MGST1: variants seen among roughly 807,000 people sequenced by gnomAD.
MGST1 encodes the protein glutathione S-transferase 12.
In MGST1, 5 loss-of-function variants were observed where a neutral mutation model predicts 8.9. The ratio of observed to expected loss-of-function variants is 0.56; its 90% confidence interval spans 0.29 to 1.19. The LOEUF (loss-of-function observed/expected upper bound fraction) is 1.19, where lower values mean the gene tolerates loss of function less well. MGST1 is among the 50% of genes most tolerant of loss of function. The probability of loss-of-function intolerance (pLI) is 0.08; values close to 1 mark genes in which losing one functional copy is unlikely to be tolerated. For missense variants in MGST1, 182 were observed against 187.4 expected (o/e 0.97, Z 0.17); for synonymous variants, 54 against 67.8 (o/e 0.80, Z 1.00).
At chr12:16,438,714 A>G (rs922305422) in exon 2 of MGST1, 2 of 151,746 alleles carry the variant, frequency 1.3e-5, no homozygotes, top group African/African-American at 4.8e-5. Flanking sequence ...TCTTTTGTGC[A>G]TCACACATAT....
intron 1 of MGST1, among the ~76,000 whole-genome samples, chr12:16,425,816 C>A (rs1299232102): frequency 6.6e-6 from 1 of 152,208 alleles, no homozygotes; most frequent in Non-Finnish European, 1.5e-5. Context: ...TTCCCCAAGC[C>A]CTTTCTCAAT....
intron 1 of MGST1, among the ~76,000 whole-genome samples, chr12:16,431,715 A>C (rs1255650927): frequency 6.6e-6 from 1 of 152,158 alleles, no homozygotes; most frequent in Non-Finnish European, 1.5e-5. Flanking sequence ...TATTGTGAGA[A>C]TTATAAAAGT....
At chr12:16,574,162 AAGTT>A (rs1942919363) in intron 4 of MGST1, among the ~76,000 whole-genome samples, 1 of 152,160 alleles carries the variant, frequency 6.6e-6, no homozygotes, top group South Asian at 2.1e-4. Flanking sequence ...GACCCAGAGT[AAGTT>A]AGAGGAAGAC....
chr12:16,373,535 G>A (rs570705114), intron 3 of MGST1, among the ~76,000 whole-genome samples: 82 of 151,618 alleles, frequency 5.4e-4, no homozygotes, highest in African/African-American at 2.0e-3. Context: ...TTATGTATCC[G>A]TATCCATAAG....
At chr12:16,364,497 CTG>C (rs1940147688), downstream of MGST1, 7 of 606,264 alleles carry the variant, frequency 1.2e-5, no homozygotes, top group Non-Finnish European at 1.4e-5. This position sits in a 1 kb window ranked among gnomAD's most constrained non-coding sequence, Gnocchi z 5.7. Flanking sequence ...AAGAACCACT[CTG>C]TACCCTGCTT....
chr12:16,384,721 C>T (rs1940489415), intron 1 of MGST1, among the ~76,000 whole-genome samples: 1 of 152,242 alleles, frequency 6.6e-6, no homozygotes. Flanking sequence ...CACAGGGCAC[C>T]TAAGTGCAAT....
At chr12:16,432,666 CCT>C (rs200860845) in intron 1 of MGST1, among the ~76,000 whole-genome samples, 193 of 145,082 alleles carry the variant, frequency 1.3e-3, no homozygotes, top group African/African-American at 4.1e-3. Context: ...GCAAATCTCT[CCT>C]CTCTCTCTCT....
chr12:16,536,098 TG>T (rs1941755688), intron 4 of MGST1, among the ~76,000 whole-genome samples: 3 of 151,578 alleles, frequency 2.0e-5, no homozygotes, highest in Non-Finnish European at 4.4e-5. Context: ...TGTGTGTGTG[TG>T]TGTGTGTGTG....
chr12:16,430,113 G>C (rs1297405771), intron 1 of MGST1, among the ~76,000 whole-genome samples: 1 of 152,070 alleles, frequency 6.6e-6, no homozygotes, highest in Admixed American at 6.6e-5. Flanking sequence ...CACTTTCTTT[G>C]CTCATCTGTA....
In MGST1 at chr12:16,560,552, C is replaced by G; in HGVS notation, n.483-28976C>G. On this transcript the variant is annotated intron_variant and non_coding_transcript_variant, in intron 4 of 4. Transcript: ENST00000538857. The surrounding 1 kb of genome is among the most constrained non-coding windows in gnomAD (Gnocchi z 5.0). ...ACACCAAAGAGCCTAGAATAAGAAACATTTTTTTTTTTTTACAAACTCTTA... is the reference window on the plus strand; with the variant it reads ...ACACCAAAGAGCCTAGAATAAGAAAGATTTTTTTTTTTTTACAAACTCTTA... 2 of 1,551,112 alleles carry G rather than the reference C, an allele frequency of 1.3e-6. No individual in the cohort carries two copies. The highest frequency in any genetic ancestry group is 1.7e-6 in the Non-Finnish European group (2 of 1,149,252).
chr12:16,392,234 T>A (rs1230336932), intron 1 of MGST1, among the ~76,000 whole-genome samples: 1 of 152,168 alleles, frequency 6.6e-6, no homozygotes, highest in African/African-American at 2.4e-5. Context: ...TCTAGAATTC[T>A]TTTTTGCGTA....
intron 4 of MGST1, among the ~76,000 whole-genome samples, chr12:16,574,462 C>G (rs1942930500): frequency 6.6e-6 from 1 of 152,120 alleles, no homozygotes; most frequent in Non-Finnish European, 1.5e-5. Context: ...AATAGATATT[C>G]CCAACAGCCC....
chr12:16,414,403 T>A (rs1455567707), intron 1 of MGST1, among the ~76,000 whole-genome samples: 8 of 149,114 alleles, frequency 5.4e-5, no homozygotes, highest in African/African-American at 1.7e-4. Flanking sequence ...TTATTTTTTT[T>A]TTTATTTTTT....
At chr12:16,464,772 T>A (rs544361502) in intron 4 of MGST1, among the ~76,000 whole-genome samples, 4 of 152,340 alleles carry the variant, frequency 2.6e-5, no homozygotes. Flanking sequence ...GATTCTTCCA[T>A]CTTGTGGCCC....
rs565758506 is a variant in MGST1 at position 16,560,176 on chromosome 12, A to G, written n.483-29352A>G. On this transcript the variant is annotated intron_variant and non_coding_transcript_variant, in intron 4 of 4. Transcript: ENST00000538857. The surrounding 1 kb of genome is among the most constrained non-coding windows in gnomAD (Gnocchi z 5.0). ...AGTAAAAGAAGTCAGAGTTTACGGT[A>G]GTGTTTCCATTTTCTGTTACTTGCT... Among the ~76,000 whole-genome samples the G allele has an allele frequency of 1.3e-5, 2 of 152,322 alleles. No homozygotes were observed. Among genetic ancestry groups the G allele is most frequent in the East Asian group, 3.9e-4 (2 of 5,186 alleles).
At chr12:16,404,246 T>G (rs1291888200) in intron 1 of MGST1, among the ~76,000 whole-genome samples, 1 of 152,188 alleles carries the variant, frequency 6.6e-6, no homozygotes, top group East Asian at 1.9e-4. Context: ...ATAATATTAA[T>G]AAAGTGACAT....
chr12:16,536,721 G>T (rs1941758865), intron 4 of MGST1, among the ~76,000 whole-genome samples: 1 of 152,102 alleles, frequency 6.6e-6, no homozygotes, highest in East Asian at 1.9e-4. Context: ...TGAGGAAGAT[G>T]CAAAAGCAGA....
At chr12:16,563,021 A>G (rs1336761849) in intron 4 of MGST1, among the ~76,000 whole-genome samples, 2 of 152,232 alleles carry the variant, frequency 1.3e-5, no homozygotes, top group African/African-American at 4.8e-5. Context: ...CCAGGGAATT[A>G]GGCTTCAGAT....
chr12:16,402,311 T>A, intron 1 of MGST1: 1 of 1,595,168 alleles, frequency 6.3e-7, no homozygotes, highest in Non-Finnish European at 8.6e-7. Flanking sequence ...CAACACCCAC[T>A]GATGCAACAA....
Sources: allele counts gnomAD v4.1 joint callset (sites outside exome capture counted in the v4.1 genomes callset), GRCh38; gene constraint gnomAD v4.1.1; non-coding constraint Gnocchi (gnomAD v3.1); transcripts MANE v1.5; gene names NCBI Gene and HGNC (gene_info 2026-07-23, HGNC 2026-07-21).